ADAMTS19: variants seen among roughly 807,000 people sequenced by gnomAD.
The protein encoded by ADAMTS19 is A disintegrin and metalloproteinase with thrombospondin motifs 19.
In ADAMTS19, 93 loss-of-function variants were observed where a neutral mutation model predicts 153.3. The observed-to-expected ratio is 0.61, with a 90% CI of 0.51 to 0.72. ADAMTS19 has a LOEUF of 0.72. Ranked by LOEUF, ADAMTS19 falls within the 30% of genes least tolerant of loss-of-function variation. The pLI is 0.00. For synonymous variants in ADAMTS19, 600 were observed against 556.6 expected, an observed-to-expected ratio of 1.08 and a Z score of -1.10; for missense variants, 1,482 against 1,552.1, an observed-to-expected ratio of 0.95 and a Z score of 0.76.
chr5:129,482,493 C>G (rs73787515), intron 2 of ADAMTS19, among the ~76,000 whole-genome samples: 1,979 of 152,240 alleles, frequency 0.013, 41 homozygotes, highest in African/African-American at 0.045. Context: ...ATTAAGGGAA[C>G]TACCAGAAAA....
intron 6 of ADAMTS19, among the ~76,000 whole-genome samples, chr5:129,550,044 ATG>A (rs1753031158): frequency 9.4e-6 from 1 of 106,356 alleles, no homozygotes; most frequent in Non-Finnish European, 1.9e-5. Flanking sequence ...ATACATATAC[ATG>A]TATCTGTATA....
chr5:129,661,356 T>C (rs1043016813), intron 15 of ADAMTS19, among the ~76,000 whole-genome samples: 2 of 152,230 alleles, frequency 1.3e-5, no homozygotes, highest in African/African-American at 2.4e-5. Flanking sequence ...GTTTCAATTT[T>C]AAAAATTCTG....
intron 2 of ADAMTS19, among the ~76,000 whole-genome samples, chr5:129,492,546 T>C (rs1750803150): frequency 6.6e-6 from 1 of 151,922 alleles, no homozygotes; most frequent in African/African-American, 2.4e-5. Flanking sequence ...TGTATATATG[T>C]ATGTATGTGT....
chr5:129,646,154 C>T (rs1437614062), intron 11 of ADAMTS19, among the ~76,000 whole-genome samples: 1 of 151,874 alleles, frequency 6.6e-6, no homozygotes, highest in Non-Finnish European at 1.5e-5. Context: ...TCCCAAAGTG[C>T]TGGGATTACA....
chr5:129,493,120 GGT>G (rs1016795553), intron 2 of ADAMTS19, among the ~76,000 whole-genome samples: 1 of 152,052 alleles, frequency 6.6e-6, no homozygotes, highest in African/African-American at 2.4e-5. Context: ...AACCCAGAGT[GGT>G]AAGTAACATG....
chr5:129,565,970 A>G (rs1399362120), intron 7 of ADAMTS19, among the ~76,000 whole-genome samples: 2 of 152,154 alleles, frequency 1.3e-5, no homozygotes, highest in Admixed American at 1.3e-4. Flanking sequence ...TAGTATGCTA[A>G]TAATATTAAT....
At chr5:129,733,349 A>AAACAGCTC (rs1272143055) in intron 21 of ADAMTS19, among the ~76,000 whole-genome samples, 11 of 152,162 alleles carry the variant, frequency 7.2e-5, no homozygotes, top group African/African-American at 2.6e-4. Flanking sequence ...CAAAAGAAAT[A>AAACAGCTC]ATCAGCAGAG....
chr5:129,661,195 G>A (rs9327531), intron 15 of ADAMTS19, among the ~76,000 whole-genome samples: 3,946 of 152,102 alleles, frequency 0.026, 162 homozygotes, highest in African/African-American at 0.089. Flanking sequence ...ATAATTTTAT[G>A]TTCACTTGTC....
chr5:129,560,164 C>A (rs1186831312), intron 7 of ADAMTS19, among the ~76,000 whole-genome samples: 1 of 152,116 alleles, frequency 6.6e-6, no homozygotes, highest in African/African-American at 2.4e-5. Flanking sequence ...TTTAGTTGAC[C>A]TGTCCTTTGG....
chr5:129,653,292 T>C (rs764708468), intron 13 of ADAMTS19, among the ~76,000 whole-genome samples: 8 of 152,198 alleles, frequency 5.3e-5, no homozygotes, highest in Non-Finnish European at 1.0e-4. Flanking sequence ...ATCAAGCCAA[T>C]AGAGTAGTAA....
At chr5:129,465,567 C>T (rs1470194590) in intron 2 of ADAMTS19, among the ~76,000 whole-genome samples, 3 of 151,990 alleles carry the variant, frequency 2.0e-5, no homozygotes, top group Non-Finnish European at 2.9e-5. Flanking sequence ...TATTTTTTAT[C>T]TTATTTGCAT....
rs1406830531 is a variant in ADAMTS19 at position 129,658,792 on chromosome 5, A to T, written c.2425+55A>T. The T allele has an allele frequency of 3.3e-6, 5 of 1,514,972 alleles. No individual in the cohort carries two copies. In the East Asian group the frequency reaches 1.1e-4, roughly 35 times the overall value. The allele number at this position is 1,514,972 out of a possible 1,614,324, so 93.8% of individuals were successfully genotyped here. A position where few individuals can be genotyped will look rare whatever the true frequency, so the allele number is the denominator to read the frequency against. ...TAATCCCTGCAATCTTTGGGAACAC[A>T]GATTATATTGAATTTAACTTAAGAG... On this transcript the variant is annotated intron_variant, in intron 15 of 22. Transcript: ENST00000274487.
chr5:129,718,491 A>G (rs1317327978), intron 21 of ADAMTS19, among the ~76,000 whole-genome samples: 1 of 152,190 alleles, frequency 6.6e-6, no homozygotes, highest in African/African-American at 2.4e-5. Flanking sequence ...ACACTGAAAC[A>G]CAGACCAAAA....
chr5:129,693,141 C>T (rs1003307213), intron 18 of ADAMTS19, among the ~76,000 whole-genome samples: 6 of 152,026 alleles, frequency 3.9e-5, no homozygotes, highest in Admixed American at 3.3e-4. Flanking sequence ...TAGGACTATG[C>T]TCAGAGCTAT....
At chr5:129,699,650 G>C (rs1755739453) in intron 19 of ADAMTS19, among the ~76,000 whole-genome samples, 1 of 152,058 alleles carries the variant, frequency 6.6e-6, no homozygotes, top group Non-Finnish European at 1.5e-5. Context: ...CAAAGAAAAG[G>C]CCAGTCCCCA....
intron 10 of ADAMTS19, among the ~76,000 whole-genome samples, chr5:129,631,153 A>T (rs30700): frequency 0.16 from 24,178 of 148,258 alleles, 2,220 homozygotes; most frequent in East Asian, 0.31. Flanking sequence ...CTTTGGGAAA[A>T]TTTTAGGTTT....
intron 2 of ADAMTS19, among the ~76,000 whole-genome samples, chr5:129,485,734 A>C (rs1460847156): frequency 6.6e-6 from 1 of 152,192 alleles, no homozygotes; most frequent in African/African-American, 2.4e-5. Context: ...ATACATATTA[A>C]AAATTAATTT....
rs67558720 is a variant in ADAMTS19 at position 129,600,858 on chromosome 5, G to GTTATTATTA, written c.1478+4215_1478+4223dup. 2.8e-3 allele frequency among the ~76,000 whole-genome samples: 418 copies of GTTATTATTA among 150,622 alleles called. 1 individual carries two copies. The highest frequency in any genetic ancestry group is 0.01 in the African/African-American group (411 of 40,890). On this transcript the variant is annotated intron_variant, in intron 8 of 22. Transcript: ENST00000274487. ...GCTTCCTAAACAATAAGTAGTAGGA[G>GTTATTATTA]TTATTATTATTATTATTATTATTAT...
chr5:129,676,801 C>T (rs1242597061), intron 16 of ADAMTS19, among the ~76,000 whole-genome samples: 1 of 152,094 alleles, frequency 6.6e-6, no homozygotes, highest in Non-Finnish European at 1.5e-5. Flanking sequence ...TGTGAGGCTG[C>T]TATTAAATGG....
Sources: gnomAD v4.1 joint callset for allele counts (sites outside exome capture counted in the v4.1 genomes callset) on GRCh38, gnomAD v4.1.1 for gene constraint, MANE v1.5 for transcripts, NCBI Gene and HGNC (gene_info 2026-07-23, HGNC 2026-07-21) for gene names.